The following TOGARAM1 variants were observed in gnomAD, a reference collection of about 807,000 sequenced individuals.
TOGARAM1 encodes TOG array regulator of axonemal microtubules protein 1.
In TOGARAM1, 100 loss-of-function variants were observed where a neutral mutation model predicts 166.6. The observed-to-expected ratio is 0.60, with a 90% confidence interval of 0.51 to 0.71. The LOEUF (loss-of-function observed/expected upper bound fraction) is 0.71. Ranked by LOEUF, TOGARAM1 falls within the 30% of genes least tolerant of loss-of-function variation. The pLI is 0.00. For synonymous variants in TOGARAM1, 758 were observed against 763.8 expected, an observed-to-expected ratio of 0.99 and a Z score of 0.13; for missense variants, 2,029 against 2,102.7, an observed-to-expected ratio of 0.96 and a Z score of 0.69.
At chr14:45,055,230 A>G (rs1405806551) in intron 16 of TOGARAM1, among the ~76,000 whole-genome samples, 5 of 152,156 alleles carry the variant, frequency 3.3e-5, no homozygotes, top group Non-Finnish European at 7.4e-5. Flanking sequence ...GTTGATTTTT[A>G]TATAAGGTGA....
At chr14:45,039,091 T>G (rs1470662635) in intron 11 of TOGARAM1, among the ~76,000 whole-genome samples, 2 of 150,414 alleles carry the variant, frequency 1.3e-5, no homozygotes, top group African/African-American at 4.9e-5. Flanking sequence ...GCAGGTCGTT[T>G]TGGTGTCTCT....
chr14:45,058,669 A>G (rs1882762068), intron 16 of TOGARAM1, among the ~76,000 whole-genome samples: 1 of 152,160 alleles, frequency 6.6e-6, no homozygotes, highest in African/African-American at 2.4e-5. Flanking sequence ...TAAGCAGCAT[A>G]TAGTTGGATC....
At chr14:45,046,935 A>G (rs1479139484) in intron 14 of TOGARAM1, among the ~76,000 whole-genome samples, 1 of 152,188 alleles carries the variant, frequency 6.6e-6, no homozygotes. Context: ...TGAGATGCCA[A>G]GTCACAGGGA....
In TOGARAM1 at chr14:45,009,162, C is replaced by T. The variant is rs374048466; in HGVS notation, c.3137+17C>T. 1.4e-5 allele frequency: 22 copies of T among 1,566,588 alleles called. No individual in the cohort carries two copies. Among genetic ancestry groups the T allele is most frequent in the Admixed American group, 8.6e-5 (5 of 58,104 alleles). On this transcript the variant is annotated intron_variant, in intron 6 of 19. Coordinates refer to ENST00000361462, the MANE Select transcript of TOGARAM1 (RefSeq NM_001308120.2). Reference sequence around the variant, plus strand: ...GAGAATAATGTATTTTATTTTTTGACGTGATAAATGAATGTTCCTCTGTAA... The same window carrying T: ...GAGAATAATGTATTTTATTTTTTGATGTGATAAATGAATGTTCCTCTGTAA...
chr14:44,992,562 A>C (rs997785699), intron 1 of TOGARAM1, among the ~76,000 whole-genome samples: 1 of 151,942 alleles, frequency 6.6e-6, no homozygotes, highest in African/African-American at 2.4e-5. Flanking sequence ...CAAAAGCTGC[A>C]ATAGGATGCA....
chr14:44,992,259 T>C (rs1887185137), intron 1 of TOGARAM1, among the ~76,000 whole-genome samples: 1 of 152,080 alleles, frequency 6.6e-6, no homozygotes, highest in Non-Finnish European at 1.5e-5. Context: ...GGAAAATAAT[T>C]TGAAAGACAA....
chr14:45,073,003 T>G (rs1883449055), intron 19 of TOGARAM1, among the ~76,000 whole-genome samples: 1 of 152,226 alleles, frequency 6.6e-6, no homozygotes, highest in Admixed American at 6.5e-5. Context: ...GGGTTAAAAC[T>G]GTGTACATTT....
chr14:45,020,189 G>A (rs1594662422), intron 7 of TOGARAM1, among the ~76,000 whole-genome samples: 1 of 152,218 alleles, frequency 6.6e-6, no homozygotes, highest in Non-Finnish European at 1.5e-5. Flanking sequence ...GAGGCCCCAG[G>A]GTCTGGTGCT....
chr14:45,061,171 T>C (rs532775271), intron 16 of TOGARAM1, among the ~76,000 whole-genome samples: 7 of 152,368 alleles, frequency 4.6e-5, no homozygotes, highest in African/African-American at 1.7e-4. Flanking sequence ...TCGTGAAGAC[T>C]AATGGATTTC....
At chr14:44,973,228 T>C (rs924533071) in intron 1 of TOGARAM1, among the ~76,000 whole-genome samples, 1 of 152,036 alleles carries the variant, frequency 6.6e-6, no homozygotes, top group African/African-American at 2.4e-5. Context: ...GCATATCAGT[T>C]ATGCTGCTGC....
intron 1 of TOGARAM1, among the ~76,000 whole-genome samples, chr14:44,995,308 G>T (rs1887358308): frequency 6.6e-6 from 1 of 152,200 alleles, no homozygotes; most frequent in African/African-American, 2.4e-5. Context: ...TTAGGCTGCA[G>T]AATATGGATA....
Position 44,963,101 on chromosome 14 carries a change from A to G in TOGARAM1, c.680A>G (p.Asp227Gly), listed in dbSNP as rs755101967. 10 of 1,614,100 alleles carry G rather than the reference A, an allele frequency of 6.2e-6. No individual in the cohort carries two copies. In the African/African-American group the frequency reaches 1.1e-4, roughly 17 times the overall value. Residue 227 changes from aspartate to glycine, a missense_variant, in exon 1 of 20, where the codon GAT becomes GGT. Physicochemically the swap from Asp to Gly is moderately conservative, Grantham distance 94. Around this residue, in one of 2 missense-constraint regions of TOGARAM1, gnomAD observed 1,453 missense variants for 1,432.2 expected, o/e 1.01. Coordinates refer to ENST00000361462, the MANE Select transcript of TOGARAM1 (RefSeq NM_001308120.2). ...ATACAACAAGGACTGGAAAGTACCG[A>G]TGCCCGACTTAGAGCTTCCACAGCA... ...TLIQQGLEST[D>G]ARLRASTALL...
At chr14:45,036,765 G>A (rs1881456813) in intron 11 of TOGARAM1, among the ~76,000 whole-genome samples, 1 of 152,158 alleles carries the variant, frequency 6.6e-6, no homozygotes, top group African/African-American at 2.4e-5. Flanking sequence ...TCATTGTTTG[G>A]AAGAATTGTC....
At chr14:44,997,656 G>T (rs1338412722) in intron 2 of TOGARAM1, among the ~76,000 whole-genome samples, 2 of 152,104 alleles carry the variant, frequency 1.3e-5, no homozygotes, top group Non-Finnish European at 2.9e-5. Flanking sequence ...AGCATAGGAA[G>T]AAACTGCCTT....
At chr14:45,024,987 T>C (rs1259700130) in intron 7 of TOGARAM1, among the ~76,000 whole-genome samples, 1 of 152,216 alleles carries the variant, frequency 6.6e-6, no homozygotes, top group Non-Finnish European at 1.5e-5. Flanking sequence ...ATGGAATACC[T>C]GGTATGTGCC....
chr14:45,036,059 G>A (rs1374752324), intron 11 of TOGARAM1, among the ~76,000 whole-genome samples: 1 of 149,310 alleles, frequency 6.7e-6, no homozygotes, highest in East Asian at 2.0e-4. Context: ...GAATCCAGGG[G>A]TTCGAGGCTG....
intron 16 of TOGARAM1, among the ~76,000 whole-genome samples, chr14:45,061,445 A>G (rs1165070894): frequency 6.6e-6 from 1 of 152,372 alleles, no homozygotes; most frequent in East Asian, 1.9e-4. Flanking sequence ...AAGTAATAAC[A>G]GACATCTTTA....
chr14:45,062,059 T>C (rs924573809), intron 16 of TOGARAM1, among the ~76,000 whole-genome samples: 1 of 152,198 alleles, frequency 6.6e-6, no homozygotes. Flanking sequence ...GTGTTCTATA[T>C]TACTGACTAT....
intron 11 of TOGARAM1, among the ~76,000 whole-genome samples, chr14:45,037,422 A>G (rs1322206706): frequency 6.6e-6 from 1 of 152,228 alleles, no homozygotes; most frequent in Non-Finnish European, 1.5e-5. Context: ...TCACGTATCA[A>G]TCACAGGGAG....
Sources: gnomAD v4.1 joint callset for allele counts (sites outside exome capture counted in the v4.1 genomes callset) on GRCh38, gnomAD v4.1.1 for gene constraint, gnomAD v4.1.1 regional missense constraint, MANE v1.5 for transcripts, NCBI Gene and HGNC (gene_info 2026-07-23, HGNC 2026-07-21) for gene names.